The following TTC28 variants were observed in gnomAD, a reference collection of about 807,000 sequenced individuals.
The protein encoded by TTC28 is tetratricopeptide repeat domain 28.
Under a neutral mutation model 198.0 loss-of-function variants are expected in TTC28, and 61 were observed. The observed-to-expected ratio is 0.31, with a 90% confidence interval of 0.25 to 0.38. TTC28 has a LOEUF of 0.38. Among genes scored for constraint, TTC28 ranks in the 10% least tolerant of loss-of-function variants. The pLI is 1.00. For missense variants in TTC28, 2,678 were observed against 3,164.0 expected, an observed-to-expected ratio of 0.85 and a Z score of 3.69; for synonymous variants, 1,171 against 1,297.8, an observed-to-expected ratio of 0.90 and a Z score of 2.10.
At chr22:28,393,562 T>C (rs1341067169) in intron 2 of TTC28, among the ~76,000 whole-genome samples, 1 of 151,898 alleles carries the variant, frequency 6.6e-6, no homozygotes, top group Non-Finnish European at 1.5e-5. Context: ...AGTATAGTGG[T>C]GCATGCCTTT....
At chr22:28,495,361 A>G (rs1460093333) in intron 2 of TTC28, among the ~76,000 whole-genome samples, 2 of 152,190 alleles carry the variant, frequency 1.3e-5, no homozygotes, top group African/African-American at 2.4e-5. Context: ...TCAAGATTTT[A>G]AAGTGCATCA....
chr22:28,607,241 T>C lies in TTC28; in HGVS notation c.381+22311A>G, dbSNP rs577237235. The stretch of plus-strand genomic sequence containing the variant: ...ATTTATTTGGGTTTTCATTTCCTTA[T>C]GAAGGCTCTCATGTCATGTAAAACT... On this transcript the variant is annotated intron_variant, in intron 2 of 22. Coordinates refer to ENST00000397906, the MANE Select transcript of TTC28 (RefSeq NM_001145418.2). 2.6e-5 allele frequency among the ~76,000 whole-genome samples: 4 copies of C among 152,340 alleles called. No homozygotes were observed. In the South Asian group the frequency reaches 8.3e-4, roughly 32 times the overall value.
chr22:28,253,934 G>A (rs1467884058), intron 5 of TTC28, among the ~76,000 whole-genome samples: 2 of 151,918 alleles, frequency 1.3e-5, no homozygotes, highest in Non-Finnish European at 1.5e-5. Flanking sequence ...GTGAAACTTT[G>A]TCTCTACTAA....
intron 5 of TTC28, among the ~76,000 whole-genome samples, chr22:28,270,305 C>T (rs576743011): frequency 6.6e-6 from 1 of 152,260 alleles, no homozygotes; most frequent in African/African-American, 2.4e-5. Context: ...GCAAATATTG[C>T]AAATGTGACT....
intron 12 of TTC28, among the ~76,000 whole-genome samples, chr22:28,039,875 T>C (rs560744397): frequency 9.9e-5 from 15 of 151,900 alleles, no homozygotes; most frequent in Non-Finnish European, 2.2e-4. Flanking sequence ...AAGAATCAAA[T>C]AGACATGATA....
chr22:28,591,437 C>A (rs191530430), intron 2 of TTC28, among the ~76,000 whole-genome samples: 1 of 152,046 alleles, frequency 6.6e-6, no homozygotes, highest in Non-Finnish European at 1.5e-5. Flanking sequence ...TCATACCAAG[C>A]CTGTGAGAGA....
intron 2 of TTC28, among the ~76,000 whole-genome samples, chr22:28,416,200 T>G (rs2047165783): frequency 6.6e-6 from 1 of 152,198 alleles, no homozygotes; most frequent in Non-Finnish European, 1.5e-5. Flanking sequence ...AGTCTTATGC[T>G]CCCACCTCTG....
intron 5 of TTC28, among the ~76,000 whole-genome samples, chr22:28,243,250 C>G (rs1465246000): frequency 7.3e-6 from 1 of 136,744 alleles, no homozygotes; most frequent in Non-Finnish European, 1.5e-5. Flanking sequence ...GTAGTCTCAA[C>G]TACTTGGGAG....
At chr22:28,405,179 T>A (rs1454212813) in intron 2 of TTC28, among the ~76,000 whole-genome samples, 1 of 152,240 alleles carries the variant, frequency 6.6e-6, no homozygotes, top group Non-Finnish European at 1.5e-5. Flanking sequence ...TTTTTTTAAA[T>A]GATTTTGACA....
chr22:28,306,870 A>G (rs545516374), intron 2 of TTC28, among the ~76,000 whole-genome samples: 7 of 152,288 alleles, frequency 4.6e-5, no homozygotes, highest in East Asian at 1.9e-4. Context: ...AGACACATCA[A>G]TTTTATCACA....
chr22:28,340,211 T>C (rs2145904542), intron 2 of TTC28, among the ~76,000 whole-genome samples: 1 of 152,240 alleles, frequency 6.6e-6, no homozygotes, highest in South Asian at 2.1e-4. Context: ...TGGGGCTTCG[T>C]TCCATCATTT....
chr22:28,262,005 A>G (rs1931354075), intron 5 of TTC28, among the ~76,000 whole-genome samples: 1 of 152,176 alleles, frequency 6.6e-6, no homozygotes. Context: ...GACATTATAC[A>G]GGGCCAACAA....
intron 12 of TTC28, among the ~76,000 whole-genome samples, chr22:28,047,607 C>T (rs1939919968): frequency 6.6e-6 from 1 of 152,180 alleles, no homozygotes; most frequent in Non-Finnish European, 1.5e-5. Flanking sequence ...GCCATGTATC[C>T]AAGCAAGAAT....
chr22:28,349,147 C>T (rs1336011452), intron 2 of TTC28, among the ~76,000 whole-genome samples: 1 of 152,050 alleles, frequency 6.6e-6, no homozygotes, highest in African/African-American at 2.4e-5. Context: ...GAAACCTTCC[C>T]AAGTTCATCA....
At chr22:28,211,571 A>G (rs543151861) in intron 5 of TTC28, among the ~76,000 whole-genome samples, 2 of 152,338 alleles carry the variant, frequency 1.3e-5, no homozygotes, top group East Asian at 1.9e-4. Flanking sequence ...CAATTCAACA[A>G]GAAGACCTAA....
At position 28,313,196 on chromosome 22, in the gene TTC28, G is replaced by A. The variant is rs138504718; in HGVS notation, c.382-6553C>T. Among the ~76,000 whole-genome samples, 1,123 of 152,206 alleles carry A rather than the reference G, an allele frequency of 7.4e-3. 20 individuals carry two copies. The highest frequency in any genetic ancestry group is 0.026 in the African/African-American group (1,072 of 41,500). On this transcript the variant is annotated intron_variant, in intron 2 of 22. Transcript: ENST00000397906. ...GAATCCCTGAATAGACCAATAACAG[G>A]TTCTGAAATTGAGGCAATAACTAAT...
intron 13 of TTC28, among the ~76,000 whole-genome samples, chr22:28,019,522 G>C (rs1410215253): frequency 6.6e-6 from 1 of 152,194 alleles, no homozygotes. Context: ...CTGGCAGCAG[G>C]CACCCCAGGC....
intron 2 of TTC28, among the ~76,000 whole-genome samples, chr22:28,466,575 A>C (rs1767204059): frequency 2.0e-5 from 3 of 152,218 alleles, no homozygotes; most frequent in African/African-American, 7.2e-5. Flanking sequence ...AGAGCAGCAC[A>C]GTGTGTGATT....
At chr22:28,468,707 T>G (rs78278853) in intron 2 of TTC28, among the ~76,000 whole-genome samples, 1 of 149,036 alleles carries the variant, frequency 6.7e-6, no homozygotes, top group African/African-American at 2.5e-5. Context: ...TTTTTTTTTT[T>G]TTTGTATTTT....
Sources: gnomAD v4.1 joint callset for allele counts (sites outside exome capture counted in the v4.1 genomes callset) on GRCh38, gnomAD v4.1.1 for gene constraint, MANE v1.5 for transcripts, NCBI Gene and HGNC (gene_info 2026-07-23, HGNC 2026-07-21) for gene names.